The following AQP1 variants were observed in gnomAD, a reference collection of about 807,000 sequenced individuals.
AQP1 encodes aquaporin 1 (Colton blood group), also known as aquaporin-1.
In AQP1, 11 loss-of-function variants were observed where a neutral mutation model predicts 19.7. The observed-to-expected ratio is 0.56, with a 90% confidence interval of 0.35 to 0.92. The LOEUF (loss-of-function observed/expected upper bound fraction) is 0.92, where lower values mean the gene tolerates loss of function less well. Ranked by LOEUF, AQP1 falls within the 40% of genes least tolerant of loss-of-function variation. AQP1 has a pLI of 0.01. For synonymous variants in AQP1, 159 were observed against 166.7 expected, an observed-to-expected ratio of 0.95 and a Z score of 0.36; for missense variants, 320 against 369.7, an observed-to-expected ratio of 0.87 and a Z score of 1.10.
At chr7:30,921,837 A>G (rs1425768082) in intron 1 of AQP1, 4 of 1,548,528 alleles carry the variant, frequency 2.6e-6, no homozygotes, top group Non-Finnish European at 3.5e-6. Flanking sequence ...GGGTCTAGGC[A>G]GGTATTAGGG....
At chr7:30,917,543 A>G (rs1584384299) in intron 1 of AQP1, among the ~76,000 whole-genome samples, 2 of 152,224 alleles carry the variant, frequency 1.3e-5, no homozygotes, top group East Asian at 3.9e-4. Context: ...AGTGGCAGCT[A>G]TGTGGGTGTG....
intron 1 of AQP1, among the ~76,000 whole-genome samples, chr7:30,915,895 G>A (rs1170073412): frequency 3.9e-5 from 6 of 152,180 alleles, no homozygotes; most frequent in African/African-American, 9.7e-5. Flanking sequence ...GGGAAAGGAA[G>A]GCAGAGTTTC....
In AQP1 at chr7:30,923,281, G is replaced by A. The variant is rs565164785; in HGVS notation, c.631-169G>A. Among the ~76,000 whole-genome samples, 19 of 152,342 alleles carry A rather than the reference G, an allele frequency of 1.2e-4. No homozygotes were observed. Among genetic ancestry groups the A allele is most frequent in the Non-Finnish European group, 2.4e-4 (16 of 68,024 alleles). On this transcript the variant is annotated intron_variant, in intron 3 of 3. Transcript: ENST00000311813. This position sits in a 1 kb window ranked among gnomAD's most constrained non-coding sequence, Gnocchi z 4.8. Reference sequence around the variant, plus strand: ...CCTACCACGTACTCTGGCCTGGGCCGGTTCTGAGGGGCACCGGAATCATGA... The same window carrying A: ...CCTACCACGTACTCTGGCCTGGGCCAGTTCTGAGGGGCACCGGAATCATGA...
At chr7:30,918,250 T>C (rs1791409190) in intron 1 of AQP1, among the ~76,000 whole-genome samples, 1 of 152,198 alleles carries the variant, frequency 6.6e-6, no homozygotes, top group Non-Finnish European at 1.5e-5. Context: ...CCTTGGCTTC[T>C]CAGAGTGCTG....
intron 1 of AQP1, among the ~76,000 whole-genome samples, chr7:30,915,844 C>G (rs1250724288): frequency 6.6e-6 from 1 of 152,154 alleles, no homozygotes; most frequent in Non-Finnish European, 1.5e-5. Flanking sequence ...CCAGTTCTCC[C>G]GGGGGTGCTG....
chr7:30,921,349 A>G, intron 1 of AQP1: 1 of 1,361,718 alleles, frequency 7.3e-7, no homozygotes. Context: ...GGCGGGGCCT[A>G]TCTGGCCAGG....
At chr7:30,913,962 T>A (rs1207686595) in intron 1 of AQP1, among the ~76,000 whole-genome samples, 1 of 152,112 alleles carries the variant, frequency 6.6e-6, no homozygotes, top group East Asian at 1.9e-4. Flanking sequence ...GGAGCGTCCC[T>A]GTAGGGGAGT....
chr7:30,912,414 G>A lies in AQP1; in HGVS notation c.384+121G>A. On this transcript the variant is annotated intron_variant, in intron 1 of 3. Coordinates refer to ENST00000311813, the MANE Select transcript of AQP1 (RefSeq NM_198098.4). This position sits in a 1 kb window ranked among gnomAD's most constrained non-coding sequence, Gnocchi z 4.3. The stretch of plus-strand genomic sequence containing the variant: ...GAACGGAGAGGACAAGAGGTTGCTG[G>A]AGGTCACGTAGAGAGCTGGGGGGAA... 1 of 1,435,162 alleles carries A rather than the reference G, an allele frequency of 7.0e-7. No homozygotes were observed. The highest frequency in any genetic ancestry group is 2.4e-5 in the East Asian group (1 of 42,286). 88.9% of individuals were successfully genotyped at this position (1,435,162 alleles called of 1,614,324 possible).
chr7:30,921,975 T>C, intron 1 of AQP1, 91 bp from the exon 2 acceptor site: 1 of 1,591,994 alleles, frequency 6.3e-7, no homozygotes, highest in South Asian at 1.1e-5. Flanking sequence ...CCTTCATGCC[T>C]GGGCCTGGGA....
intron 1 of AQP1, among the ~76,000 whole-genome samples, chr7:30,916,998 T>G (rs1302865073): frequency 6.6e-6 from 1 of 152,068 alleles, no homozygotes; most frequent in Non-Finnish European, 1.5e-5. Flanking sequence ...GATCCTGTGC[T>G]TAGGTTTCTG....
At position 30,924,224 on chromosome 7, in the gene AQP1, A is replaced by G. The variant is rs1791619931; in HGVS notation, c.*595A>G. On this transcript the variant is annotated 3_prime_UTR_variant, in exon 4 of 4. Coordinates refer to ENST00000311813, the MANE Select transcript of AQP1 (RefSeq NM_198098.4). ...CAGGGCCTGAGTGACCTCCTTCTGC[A>G]AAGTGGCAGGGACCGGCAGAGCTCT... is the stretch of plus-strand genomic sequence containing the variant. The G allele has an allele frequency of 1.3e-6, 1 of 771,138 alleles. No homozygotes were observed. 47.8% of individuals were successfully genotyped at this position (771,138 alleles called of 1,614,324 possible).
intron 1 of AQP1, among the ~76,000 whole-genome samples, chr7:30,915,237 A>G (rs970546729): frequency 3.3e-5 from 5 of 152,204 alleles, no homozygotes; most frequent in South Asian, 2.1e-4. Flanking sequence ...TGGGTGCTCA[A>G]TGCAGGGCTG....
Position 30,923,936 on chromosome 7 carries a change from G to A in AQP1, c.*307G>A, listed in dbSNP as rs1454958113. On this transcript the variant is annotated 3_prime_UTR_variant, in exon 4 of 4. Transcript: ENST00000311813. The surrounding 1 kb of genome is among the most constrained non-coding windows in gnomAD (Gnocchi z 4.8). ...CGCCCCTCAGAGCATGATGGGAGGT[G>A]TGCCAGAAAGTCCCCCCTCGCCCCA... 5.6e-6 allele frequency: 8 copies of A among 1,430,736 alleles called. No homozygotes were observed. Among genetic ancestry groups the A allele is most frequent in the Non-Finnish European group, 5.6e-6 (6 of 1,074,290 alleles). 88.6% of individuals were successfully genotyped at this position (1,430,736 alleles called of 1,614,324 possible). A position where few individuals can be genotyped will look rare whatever the true frequency, so the allele number is the denominator to read the frequency against.
Position 30,912,851 on chromosome 7 carries a change from G to C in AQP1, c.384+558G>C, listed in dbSNP as rs1305711690. The stretch of plus-strand genomic sequence containing the variant: ...TTCCACTCTTTTGCCCCTGAGATTA[G>C]ACAAAGATAAGGGAGTGAAAACACT... On this transcript the variant is annotated intron_variant, in intron 1 of 3. Transcript: ENST00000311813. The surrounding 1 kb of genome is among the most constrained non-coding windows in gnomAD (Gnocchi z 4.3). 6.6e-6 allele frequency among the ~76,000 whole-genome samples: 1 copy of C among 152,172 alleles called. No homozygotes were observed. Among genetic ancestry groups the C allele is most frequent in the Non-Finnish European group, 1.5e-5 (1 of 68,040 alleles).
chr7:30,922,417 G>T (rs1195473663), intron 2 of AQP1, 147 bp from the exon 3 acceptor site: 3 of 1,280,670 alleles, frequency 2.3e-6, no homozygotes, highest in African/African-American at 2.9e-5. Context: ...CTCCTGCCCA[G>T]CTTGGGGTCA....
Position 30,924,040 on chromosome 7 carries a change from T to G in AQP1, c.*411T>G. The G allele has an allele frequency of 7.8e-7, 1 of 1,290,272 alleles. No homozygotes were observed. 79.9% of individuals were successfully genotyped at this position (1,290,272 alleles called of 1,614,324 possible). A position where few individuals can be genotyped will look rare whatever the true frequency, so the allele number is the denominator to read the frequency against. On this transcript the variant is annotated 3_prime_UTR_variant, in exon 4 of 4. Transcript: ENST00000311813. ...TTGTGCCTTTGGGCACGGCCCTCCTTCTTTTCCTAACATGCACCTTGCTCC... is the reference window on the plus strand; with the variant it reads ...TTGTGCCTTTGGGCACGGCCCTCCTGCTTTTCCTAACATGCACCTTGCTCC...
intron 2 of AQP1, 44 bp downstream of exon 2, chr7:30,922,274 CG>C (rs766560307): frequency 1.9e-5 from 14 of 744,530 alleles, no homozygotes; most frequent in Non-Finnish European, 2.7e-5. Flanking sequence ...GAAGGGAGGG[CG>C]GGGGCTGGTG....
chr7:30,913,368 T>C (rs1791219844), intron 1 of AQP1: 1 of 152,510 alleles, frequency 6.6e-6, no homozygotes. Flanking sequence ...GCTTGGAGGA[T>C]GTCTCTGAGG....
intron 1 of AQP1, among the ~76,000 whole-genome samples, chr7:30,918,829 C>T (rs1473112620): frequency 6.6e-6 from 1 of 152,240 alleles, no homozygotes; most frequent in Admixed American, 6.5e-5. Flanking sequence ...CAAGTCCAAG[C>T]TGGGAATAGC....
Sources: gnomAD v4.1 joint callset for allele counts (sites outside exome capture counted in the v4.1 genomes callset) on GRCh38, gnomAD v4.1.1 for gene constraint, Gnocchi (gnomAD v3.1) non-coding constraint, MANE v1.5 for transcripts, NCBI Gene and HGNC (gene_info 2026-07-23, HGNC 2026-07-21) for gene names.